NFATC2: variants seen among roughly 807,000 people sequenced by gnomAD.
NFATC2 encodes nuclear factor of activated T-cells, cytoplasmic 2.
NFATC2 carries 22 observed loss-of-function variants against 87.3 expected under a neutral mutation model. The observed-to-expected ratio is 0.25, with a 90% CI of 0.18 to 0.36. The LOEUF (loss-of-function observed/expected upper bound fraction) is 0.36. NFATC2 is among the 10% of genes least tolerant of loss of function. The pLI is 1.00. For missense variants in NFATC2, 1,149 were observed against 1,259.1 expected, an observed-to-expected ratio of 0.91 and a Z score of 1.32; for synonymous variants, 565 against 542.2, an observed-to-expected ratio of 1.04 and a Z score of -0.58.
intron 7 of NFATC2, 130 bp from the exon 8 acceptor site, chr20:51,435,444 G>A (rs1417816476): frequency 2.2e-6 from 3 of 1,349,582 alleles, no homozygotes; most frequent in South Asian, 1.4e-5. Context: ...TACAGGGGAA[G>A]TTCAATTTCA....
At chr20:51,476,935 G>A (rs1988766718) in intron 3 of NFATC2, among the ~76,000 whole-genome samples, 1 of 152,116 alleles carries the variant, frequency 6.6e-6, no homozygotes, top group Non-Finnish European at 1.5e-5. Context: ...TTTTATGCAG[G>A]TAAGAGCAAT....
rs79433078 is a variant in NFATC2, at chr20:51,395,865, G to A, written c.*44+2778C>T. Among the ~76,000 whole-genome samples, 1,507 of 151,776 alleles carry A rather than the reference G, an allele frequency of 9.9e-3. 31 individuals are homozygous for A. Among genetic ancestry groups the A allele is most frequent in the African/African-American group, 0.035 (1,461 of 41,398 alleles). On this transcript the variant is annotated intron_variant, in intron 10 of 10. Transcript: ENST00000371564. The stretch of plus-strand genomic sequence containing the variant: ...ACAAACTTCTCCTGGAAAGGGCCAG[G>A]TAATATTTTCAGCTTTGTGGGCTCT...
At chr20:51,457,010 CCA>C (rs1350955883) in intron 5 of NFATC2, among the ~76,000 whole-genome samples, 1 of 152,228 alleles carries the variant, frequency 6.6e-6, no homozygotes, top group East Asian at 1.9e-4. Context: ...CCCTCTGTTC[CCA>C]GAGACCCGCC....
At chr20:51,539,315 G>A (rs2076768912) in intron 1 of NFATC2, among the ~76,000 whole-genome samples, 1 of 152,164 alleles carries the variant, frequency 6.6e-6, no homozygotes. Flanking sequence ...TGCCATCTGG[G>A]ACAAAACCTA....
At chr20:51,465,947 C>G (rs569701210) in intron 5 of NFATC2, among the ~76,000 whole-genome samples, 7 of 152,230 alleles carry the variant, frequency 4.6e-5, no homozygotes, top group Middle Eastern at 3.4e-3. Context: ...GGGAAGCCCA[C>G]GATAATGATG....
At chr20:51,470,175 A>C (rs1303957070) in intron 5 of NFATC2, among the ~76,000 whole-genome samples, 1 of 152,060 alleles carries the variant, frequency 6.6e-6, no homozygotes, top group African/African-American at 2.4e-5. Context: ...GACCTCTTCC[A>C]TACTCCAGAG....
chr20:51,533,506 T>G (rs1207838258), intron 1 of NFATC2, among the ~76,000 whole-genome samples: 4 of 152,164 alleles, frequency 2.6e-5, no homozygotes, highest in Non-Finnish European at 5.9e-5. Flanking sequence ...GTCGAGAAAT[T>G]CCATCTGGAT....
intron 9 of NFATC2, 84 bp from the exon 10 acceptor site, chr20:51,398,814 A>G: frequency 1.1e-6 from 1 of 937,282 alleles, no homozygotes. Context: ...TCATGCCGAT[A>G]TCATCCAAGC....
chr20:51,450,584 G>T (rs1985642924), intron 6 of NFATC2, among the ~76,000 whole-genome samples: 1 of 152,184 alleles, frequency 6.6e-6, no homozygotes, highest in South Asian at 2.1e-4. Context: ...AGGAAAGAAA[G>T]ACTGTCACTA....
At chr20:51,537,623 T>C (rs957560354) in intron 1 of NFATC2, among the ~76,000 whole-genome samples, 1 of 152,158 alleles carries the variant, frequency 6.6e-6, no homozygotes, top group East Asian at 1.9e-4. Flanking sequence ...GGATTCCCAG[T>C]ACCCACCCGT....
chr20:51,484,289 C>A (rs1989522027), intron 3 of NFATC2, among the ~76,000 whole-genome samples: 1 of 152,160 alleles, frequency 6.6e-6, no homozygotes, highest in African/African-American at 2.4e-5. Context: ...GACCTCTCAT[C>A]AGAGAAGCCT....
intron 3 of NFATC2, among the ~76,000 whole-genome samples, chr20:51,486,744 G>A (rs1240486209): frequency 1.3e-5 from 2 of 152,054 alleles, no homozygotes; most frequent in African/African-American, 2.4e-5. Flanking sequence ...ACATATTGCC[G>A]AGTGATTCAT....
intron 1 of NFATC2, among the ~76,000 whole-genome samples, chr20:51,557,331 C>T (rs930721567): frequency 6.6e-6 from 1 of 152,196 alleles, no homozygotes; most frequent in Non-Finnish European, 1.5e-5. Context: ...TGAATCCAGA[C>T]TCCACCACTC....
At chr20:51,472,631 T>C (rs1988327612) in intron 5 of NFATC2, among the ~76,000 whole-genome samples, 1 of 63,570 alleles carries the variant, frequency 1.6e-5, no homozygotes, top group South Asian at 4.0e-4. Context: ...TCTTTCTTCT[T>C]TTTTTTTTTT....
At chr20:51,542,749 C>CGGA (rs1555819082), upstream of NFATC2, 1 of 3,890 alleles carries the variant, frequency 2.6e-4, no homozygotes, top group Non-Finnish European at 4.5e-4. Flanking sequence ...CCCGGGGAGG[C>CGGA]GGGGGGGGGG....
intron 1 of NFATC2, among the ~76,000 whole-genome samples, chr20:51,528,059 T>C (rs547472094): frequency 6.7e-6 from 1 of 148,694 alleles, no homozygotes; most frequent in South Asian, 2.2e-4. Context: ...ACCTCCCAGC[T>C]TGGGTGACAG....
At chr20:51,493,600 T>G (rs1022324819) in intron 3 of NFATC2, among the ~76,000 whole-genome samples, 1 of 152,212 alleles carries the variant, frequency 6.6e-6, no homozygotes, top group African/African-American at 2.4e-5. Flanking sequence ...TGGATTCAGA[T>G]AGCAGCTCCA....
At chr20:51,444,991 G>A (rs944478212) in intron 6 of NFATC2, among the ~76,000 whole-genome samples, 5 of 151,844 alleles carry the variant, frequency 3.3e-5, no homozygotes, top group African/African-American at 9.7e-5. Context: ...ATCCCCCACC[G>A]GGACAACTGG....
chr20:51,467,161 G>A (rs1987773835), intron 5 of NFATC2, among the ~76,000 whole-genome samples: 1 of 150,954 alleles, frequency 6.6e-6, no homozygotes, highest in Admixed American at 6.6e-5. Flanking sequence ...ATCTGACAAA[G>A]GACTTATGTC....
Sources: allele counts gnomAD v4.1 joint callset (sites outside exome capture counted in the v4.1 genomes callset), GRCh38; gene constraint gnomAD v4.1.1; transcripts MANE v1.5; gene names NCBI Gene and HGNC (gene_info 2026-07-23, HGNC 2026-07-21).